ARHGAP25: variants seen among roughly 807,000 people sequenced by gnomAD.
ARHGAP25 encodes the protein Rho GTPase activating protein 25.
ARHGAP25 carries 34 observed loss-of-function variants against 71.0 expected under a neutral mutation model. The ratio of observed to expected loss-of-function variants is 0.48; its 90% CI spans 0.36 to 0.64. The LOEUF (loss-of-function observed/expected upper bound fraction) is 0.64, where lower values mean the gene tolerates loss of function less well. ARHGAP25 is among the 30% of genes least tolerant of loss of function. The pLI is 0.00. For missense variants in ARHGAP25, 706 were observed against 805.1 expected (o/e 0.88, Z 1.49); for synonymous variants, 282 against 296.5 (o/e 0.95, Z 0.50).
chr2:68,735,384 G>T (rs1675161028), intron 1 of ARHGAP25, 124 bp downstream of exon 1: 1 of 1,030,762 alleles, frequency 9.7e-7, no homozygotes, highest in Admixed American at 2.0e-5. Context: ...TGAGTTTGAG[G>T]GACCATTTGC....
At chr2:68,746,456 C>T (rs1006096031) in intron 1 of ARHGAP25, among the ~76,000 whole-genome samples, 4 of 152,162 alleles carry the variant, frequency 2.6e-5, no homozygotes, top group Non-Finnish European at 5.9e-5. Flanking sequence ...GACCCTGTGC[C>T]CTGCCTGCCT....
intron 4 of ARHGAP25, among the ~76,000 whole-genome samples, chr2:68,806,559 G>A (rs1002104126): frequency 2.6e-5 from 4 of 152,096 alleles, no homozygotes; most frequent in African/African-American, 9.7e-5. Context: ...ACTACTACGC[G>A]ACTCCTGGGC....
At chr2:68,772,308 C>T (rs1677537553) in intron 1 of ARHGAP25, among the ~76,000 whole-genome samples, 1 of 152,240 alleles carries the variant, frequency 6.6e-6, no homozygotes, top group Admixed American at 6.5e-5. Flanking sequence ...GTCCTTCTAG[C>T]CACCATGTGG....
chr2:68,744,102 T>C (rs951748685), intron 1 of ARHGAP25, among the ~76,000 whole-genome samples: 4 of 152,178 alleles, frequency 2.6e-5, no homozygotes, highest in Non-Finnish European at 5.9e-5. Flanking sequence ...TTTTATGAAA[T>C]CTTTTAGTCT....
chr2:68,713,524 C>T (rs983971591), intron 2 of ARHGAP25, among the ~76,000 whole-genome samples: 22 of 152,150 alleles, frequency 1.4e-4, no homozygotes, highest in Non-Finnish European at 2.5e-4. Context: ...CCAGAACCTC[C>T]GATACTATGT....
chr2:68,776,697 C>T (rs1176587983), intron 2 of ARHGAP25, among the ~76,000 whole-genome samples: 4 of 152,092 alleles, frequency 2.6e-5, no homozygotes, highest in South Asian at 2.1e-4. Context: ...AACTGGATGT[C>T]TCAGGGCATC....
At chr2:68,762,588 T>C (rs985020659) in intron 1 of ARHGAP25, among the ~76,000 whole-genome samples, 1 of 152,188 alleles carries the variant, frequency 6.6e-6, no homozygotes, top group Non-Finnish European at 1.5e-5. Flanking sequence ...CACCCCCTCA[T>C]GGTTCTCCTT....
intron 1 of ARHGAP25, among the ~76,000 whole-genome samples, chr2:68,737,559 G>A (rs980982552): frequency 1.3e-5 from 2 of 152,158 alleles, no homozygotes; most frequent in Non-Finnish European, 2.9e-5. Flanking sequence ...ATAGCCAAGT[G>A]TTCCTTGGGG....
intron 4 of ARHGAP25, among the ~76,000 whole-genome samples, chr2:68,806,119 C>A (rs980423149): frequency 6.6e-6 from 1 of 152,212 alleles, no homozygotes; most frequent in African/African-American, 2.4e-5. Flanking sequence ...TTTTGGAAAG[C>A]AATTTGCATG....
At chr2:68,729,674 A>G (rs1265176872) in intron 2 of ARHGAP25, among the ~76,000 whole-genome samples, 1 of 152,242 alleles carries the variant, frequency 6.6e-6, no homozygotes, top group Non-Finnish European at 1.5e-5. Context: ...TGGGCCCTAC[A>G]TATATTGTTA....
chr2:68,768,790 A>G (rs945765792), intron 1 of ARHGAP25, among the ~76,000 whole-genome samples: 3 of 152,172 alleles, frequency 2.0e-5, no homozygotes, highest in Admixed American at 1.3e-4. Flanking sequence ...TGAAGCTCTC[A>G]GTCCACCCTC....
At chr2:68,768,908 G>A (rs1203236871) in intron 1 of ARHGAP25, among the ~76,000 whole-genome samples, 3 of 152,162 alleles carry the variant, frequency 2.0e-5, no homozygotes, top group Admixed American at 2.0e-4. Context: ...CATCAGGGCT[G>A]TGTCTGGCTG....
intron 1 of ARHGAP25, among the ~76,000 whole-genome samples, chr2:68,738,216 G>C (rs1348146903): frequency 6.6e-6 from 1 of 152,116 alleles, no homozygotes; most frequent in Non-Finnish European, 1.5e-5. Flanking sequence ...CAAATATTTT[G>C]CCTTTTTAAC....
intron 1 of ARHGAP25, among the ~76,000 whole-genome samples, chr2:68,747,388 A>G (rs1675898334): frequency 6.6e-6 from 1 of 152,128 alleles, no homozygotes; most frequent in Non-Finnish European, 1.5e-5. Context: ...ATTATTAAGA[A>G]TTTCAACATA....
chr2:68,728,793 C>A lies in ARHGAP25; in HGVS notation c.-18+18095C>A, dbSNP rs370584145. Among the ~76,000 whole-genome samples, 13 of 152,162 alleles carry A rather than the reference C, an allele frequency of 8.5e-5. 1 individual carries two copies. Among genetic ancestry groups the A allele is most frequent in the African/African-American group, 3.1e-4 (13 of 41,528 alleles). On this transcript the variant is annotated intron_variant and NMD_transcript_variant, in intron 2 of 7. Transcript: ENST00000463483. ...ATAAATAAAATTTAAAAAACTTGTG[C>A]ACAAATGTTCATAGCATCATTTTTC...
intron 2 of ARHGAP25, among the ~76,000 whole-genome samples, chr2:68,779,886 C>T (rs1363905254): frequency 1.3e-5 from 2 of 152,230 alleles, no homozygotes; most frequent in Non-Finnish European, 2.9e-5. Context: ...GTTCAAGCCT[C>T]TCATGCTGAG....
Position 68,735,166 on chromosome 2 carries a change from G to T in ARHGAP25, c.-34G>T. 7 of 1,580,074 alleles carry T rather than the reference G, an allele frequency of 4.4e-6. No homozygotes were observed. Among genetic ancestry groups the T allele is most frequent in the Non-Finnish European group, 5.2e-6 (6 of 1,149,098 alleles). ...GGGCGCAAACTGTGACAGACTCACC[G>T]CTTCACTAACTACTCACTTAAACTG... On this transcript the variant is annotated 5_prime_UTR_variant, in exon 1 of 11. Coordinates refer to ENST00000409202, the MANE Select transcript of ARHGAP25 (RefSeq NM_001007231.3).
At chr2:68,795,028 C>T (rs1168939581) in intron 4 of ARHGAP25, among the ~76,000 whole-genome samples, 4 of 151,950 alleles carry the variant, frequency 2.6e-5, no homozygotes, top group Non-Finnish European at 5.9e-5. Context: ...GGAATTTATC[C>T]ATTTCCTCTA....
intron 4 of ARHGAP25, among the ~76,000 whole-genome samples, chr2:68,799,761 G>A (rs929973781): frequency 2.6e-5 from 4 of 152,200 alleles, no homozygotes; most frequent in African/African-American, 9.6e-5. Flanking sequence ...GAAGGGCCGG[G>A]AGGGCTGGGG....
Sources: gnomAD v4.1 joint callset for allele counts (sites outside exome capture counted in the v4.1 genomes callset) on GRCh38, gnomAD v4.1.1 for gene constraint, MANE v1.5 for transcripts, NCBI Gene and HGNC (gene_info 2026-07-23, HGNC 2026-07-21) for gene names.